The following ZNF500 variants were observed in gnomAD, a reference collection of about 807,000 sequenced individuals.
ZNF500 encodes the protein zinc finger protein 500.
ZNF500 carries 31 observed loss-of-function variants against 30.1 expected under a neutral mutation model. That is an observed-to-expected ratio of 1.03 (90% CI 0.77 to 1.39). The LOEUF (loss-of-function observed/expected upper bound fraction) is 1.39, where lower values mean the gene tolerates loss of function less well. Ranked by LOEUF, ZNF500 falls within the 40% of genes most tolerant of loss-of-function variation. ZNF500 has a pLI of 0.00. For missense variants in ZNF500, 817 were observed against 657.8 expected (o/e 1.24, Z -2.65); for synonymous variants, 392 against 282.0 (o/e 1.39, Z -3.91).
At chr16:4,757,582 G>A (rs559233920) in intron 5 of ZNF500, among the ~76,000 whole-genome samples, 1 of 152,000 alleles carries the variant, frequency 6.6e-6, no homozygotes, top group African/African-American at 2.4e-5. Flanking sequence ...TTACAGGCAT[G>A]AGCCACCATG....
Position 4,765,565 on chromosome 16 carries a change from C to A in ZNF500, c.414G>T (p.Arg138=). The stretch of plus-strand genomic sequence containing the variant: ...TGAGGGTCAAAATGCCCCCACTCAC[C>A]CGCTGCCTGTGTTTCCTGGGCTTCC... ...LQRKPRKHRQ[R]GSELLSDDEV... Residue 138 remains arginine, a splice_region_variant and synonymous_variant, in exon 2 of 6, where the codon CGG becomes CGT. Transcript: ENST00000219478. 6.3e-7 allele frequency: 1 copy of A among 1,587,270 alleles called. No individual in the cohort carries two copies. The highest frequency in any genetic ancestry group is 2.2e-5 in the East Asian group (1 of 44,606).
chr16:4,757,080 G>A (rs2082142761), intron 5 of ZNF500, among the ~76,000 whole-genome samples: 1 of 152,158 alleles, frequency 6.6e-6, no homozygotes. Flanking sequence ...AAAAAGTTTT[G>A]GAACTAGATG....
intron 5 of ZNF500, among the ~76,000 whole-genome samples, chr16:4,754,320 C>T (rs1174779483): frequency 6.6e-6 from 1 of 151,954 alleles, no homozygotes; most frequent in Admixed American, 6.6e-5. Flanking sequence ...TCCAGATAGC[C>T]GAAGGTGGGT....
chr16:4,766,306 C>T (rs1270774393), intron 1 of ZNF500, among the ~76,000 whole-genome samples: 1 of 152,206 alleles, frequency 6.6e-6, no homozygotes, highest in Non-Finnish European at 1.5e-5. Flanking sequence ...ATAACAGGAC[C>T]TACACACACA....
At chr16:4,755,182 A>C (rs1025052624) in intron 5 of ZNF500, among the ~76,000 whole-genome samples, 5 of 152,164 alleles carry the variant, frequency 3.3e-5, no homozygotes, top group African/African-American at 1.2e-4. Flanking sequence ...GACCTAATAC[A>C]CAGGGCCTCA....
chr16:4,762,441 T>C, intron 3 of ZNF500, 106 bp from the exon 4 acceptor site: 1 of 1,515,588 alleles, frequency 6.6e-7, no homozygotes, highest in Non-Finnish European at 8.9e-7. Context: ...CCACCCAAGA[T>C]CCACTCCTTG....
At chr16:4,766,950 G>C (rs1379150725) in intron 1 of ZNF500, 67 bp downstream of exon 1, 1 of 152,404 alleles carries the variant, frequency 6.6e-6, no homozygotes, top group East Asian at 1.9e-4. Context: ...ACAGACCCGG[G>C]TGCTGGCGCG....
intron 1 of ZNF500, 60 bp from the exon 2 acceptor site, chr16:4,766,136 C>A (rs2141852708): frequency 1.2e-6 from 1 of 837,602 alleles, no homozygotes; most frequent in Non-Finnish European, 1.7e-6. Context: ...AGCCCTTTGG[C>A]CTGGGAAGCC....
chr16:4,747,328 C>G (rs1054886142), downstream of ZNF500: 1 of 1,539,650 alleles, frequency 6.5e-7, no homozygotes, highest in African/African-American at 1.4e-5. Flanking sequence ...TGAATTTGGT[C>G]TCATTGTGTC....
rs990856077 is a variant in ZNF500, at chr16:4,749,269, G to C, written c.*3107C>G. 10 of 154,476 alleles carry C rather than the reference G, an allele frequency of 6.5e-5. No individual in the cohort carries two copies. The highest frequency in any genetic ancestry group is 2.2e-4 in the African/African-American group (9 of 41,552). The allele number at this position is 154,476 out of a possible 1,614,324, so 9.6% of individuals were successfully genotyped here. A position where few individuals can be genotyped will look rare whatever the true frequency, so the allele number is the denominator to read the frequency against. On this transcript the variant is annotated 3_prime_UTR_variant, in exon 6 of 6. Coordinates refer to ENST00000219478, the MANE Select transcript of ZNF500 (RefSeq NM_021646.4). ...TGGCGGCCTCCGCTGTGGCTGCCTA[G>C]CTGTCAAGAGCAAAGGCTTTTTTTT...
intron 2 of ZNF500, chr16:4,763,886 C>T: frequency 1.0e-6 from 1 of 985,416 alleles, no homozygotes; most frequent in Non-Finnish European, 1.2e-6. Flanking sequence ...TGCAAAAGGC[C>T]AGCAGTGTGC....
In ZNF500 at chr16:4,752,441, T is replaced by G; in HGVS notation, c.1378A>C (p.Met460Leu). 3 of 1,539,720 alleles carry G rather than the reference T, an allele frequency of 1.9e-6. No individual in the cohort carries two copies. Among genetic ancestry groups the G allele is most frequent in the Non-Finnish European group, 2.6e-6 (3 of 1,147,108 alleles). The change falls in exon 6 of 6, where the codon ATG (methionine) becomes CTG (leucine). Residue 460 changes from methionine (M) to leucine (L), a missense_variant. Transcript: ENST00000219478. ...AGCGTCGGCAAGGAGCCTGCCCCCA[T>G]GTGGGTCCGCTGGTGCTTGTGCAGG... ...TDLHKHQRTH[M>L]GAGSLPTLQP...
chr16:4,760,964 C>T (rs1412672905), intron 4 of ZNF500, among the ~76,000 whole-genome samples: 1 of 152,104 alleles, frequency 6.6e-6, no homozygotes, highest in African/African-American at 2.4e-5. Context: ...GCCTCTGGGC[C>T]AGTGGCTCCC....
chr16:4,755,663 G>T (rs1230377109), intron 5 of ZNF500, among the ~76,000 whole-genome samples: 1 of 152,104 alleles, frequency 6.6e-6, no homozygotes, highest in Non-Finnish European at 1.5e-5. Context: ...TCATCAAAAG[G>T]TAAACAAGAG....
At chr16:4,766,881 C>T (rs1284297958) in intron 1 of ZNF500, 136 bp downstream of exon 1, 1 of 152,256 alleles carries the variant, frequency 6.6e-6, no homozygotes, top group East Asian at 1.9e-4. Context: ...ACCCCCAGGC[C>T]GGGCTGCTTT....
At chr16:4,754,406 T>C (rs1163051826) in intron 5 of ZNF500, among the ~76,000 whole-genome samples, 1 of 152,094 alleles carries the variant, frequency 6.6e-6, no homozygotes. Flanking sequence ...ATGCCTGTAA[T>C]CCAAGCACTT....
chr16:4,746,584 T>G, downstream of ZNF500: 1 of 1,506,852 alleles, frequency 6.6e-7, no homozygotes, highest in Non-Finnish European at 9.0e-7. Context: ...ACAGAGCCTC[T>G]GGTGGATCCT....
intron 1 of ZNF500, among the ~76,000 whole-genome samples, 189 bp from the exon 2 acceptor site, chr16:4,766,265 G>A (rs886912827): frequency 1.3e-5 from 2 of 152,206 alleles, no homozygotes; most frequent in Non-Finnish European, 2.9e-5. Flanking sequence ...AGGGCTCTGG[G>A]CTTTGCTTCC....
rs746122413 is a variant in ZNF500, at chr16:4,751,717, TG to T, written c.*658del. 5.4e-5 allele frequency: 77 copies of T among 1,422,818 alleles called. No homozygotes were observed. The highest frequency in any genetic ancestry group is 1.9e-4 in the Middle Eastern group (1 of 5,212). 88.1% of individuals were successfully genotyped at this position (1,422,818 alleles called of 1,614,324 possible). On this transcript the variant is annotated 3_prime_UTR_variant, in exon 6 of 6. Coordinates refer to ENST00000219478, the MANE Select transcript of ZNF500 (RefSeq NM_021646.4). ...TAGTTAAGATGAGGTCACAGTGTATTGGGGGACCCTAAACCCAGTGAGTGGT... is the reference window on the plus strand; with the variant it reads ...TAGTTAAGATGAGGTCACAGTGTATTGGGGACCCTAAACCCAGTGAGTGGT...
Sources: gnomAD v4.1 joint callset for allele counts (sites outside exome capture counted in the v4.1 genomes callset) on GRCh38, gnomAD v4.1.1 for gene constraint, MANE v1.5 for transcripts, NCBI Gene and HGNC (gene_info 2026-07-23, HGNC 2026-07-21) for gene names.